Variants in UGT1A6 observed in about 807,000 individuals in gnomAD.
UGT1A6 encodes UDP glucuronosyltransferase family 1 member A6.
A neutral mutation model predicts 44.4 loss-of-function variants in UGT1A6; 32 were observed. That is an observed-to-expected ratio of 0.72 (90% confidence interval 0.54 to 0.97). The LOEUF is 0.97. Ranked by LOEUF, UGT1A6 falls within the 50% of genes least tolerant of loss-of-function variation. The pLI is 0.00. For missense variants in UGT1A6, 685 were observed against 661.9 expected (o/e 1.03, Z -0.38); for synonymous variants, 238 against 248.5 (o/e 0.96, Z 0.40).
chr2:233,755,826 A>T (rs1696033574), intron 1 of UGT1A6: 1 of 152,260 alleles, frequency 6.6e-6, no homozygotes, highest in Admixed American at 6.5e-5. Context: ...AAAAAGACAT[A>T]TTCATTGGGC....
At chr2:233,718,360 T>C (rs2076649371) in intron 1 of UGT1A6, among the ~76,000 whole-genome samples, 1 of 152,232 alleles carries the variant, frequency 6.6e-6, no homozygotes, top group Non-Finnish European at 1.5e-5. Context: ...TGCTGTGTTA[T>C]TCACATATGA....
chr2:233,719,298 G>T, intron 1 of UGT1A6: 1 of 1,613,992 alleles, frequency 6.2e-7, no homozygotes, highest in Admixed American at 1.7e-5. Flanking sequence ...CTGTGGGGCG[G>T]TGCTGGCTAA....
chr2:233,702,037 CA>C (rs1227411871), intron 1 of UGT1A6, among the ~76,000 whole-genome samples: 3 of 152,160 alleles, frequency 2.0e-5, no homozygotes, highest in South Asian at 2.1e-4. Context: ...AAAAACCCTT[CA>C]AAAAATTAAC....
chr2:233,728,016 G>A (rs912712884), intron 1 of UGT1A6, among the ~76,000 whole-genome samples: 1 of 152,236 alleles, frequency 6.6e-6, no homozygotes, highest in African/African-American at 2.4e-5. Flanking sequence ...GCACATGTGG[G>A]AGTGACTTTC....
chr2:233,771,796 C>A (rs373628815), intron 4 of UGT1A6, among the ~76,000 whole-genome samples: 1 of 151,712 alleles, frequency 6.6e-6, no homozygotes, highest in Non-Finnish European at 1.5e-5. Flanking sequence ...CCCTCCCTCC[C>A]TCCCTCCCTT....
chr2:233,757,065 T>C (rs1273460805), intron 1 of UGT1A6, among the ~76,000 whole-genome samples: 1 of 151,244 alleles, frequency 6.6e-6, no homozygotes, highest in Non-Finnish European at 1.5e-5. Flanking sequence ...CAGCAAGGGA[T>C]CCAGAATGGC....
intron 1 of UGT1A6, chr2:233,718,078 G>T (rs1030624873): frequency 1.2e-5 from 4 of 342,356 alleles, no homozygotes; most frequent in African/African-American, 4.3e-5. Flanking sequence ...TGCTAGGGTT[G>T]TCTTGCCCAT....
At chr2:233,734,546 C>A (rs975748353) in intron 1 of UGT1A6, among the ~76,000 whole-genome samples, 4 of 151,914 alleles carry the variant, frequency 2.6e-5, no homozygotes, top group Non-Finnish European at 5.9e-5. Context: ...TATTTCTTCC[C>A]TTCTGCTAGC....
In UGT1A6 at chr2:233,766,921, C is replaced by T. The variant is rs6708136; in HGVS notation, c.862-113C>T. 45,255 of 1,558,610 alleles carry T rather than the reference C, an allele frequency of 0.029. 712 individuals are homozygous for T. The highest frequency in any genetic ancestry group is 0.049 in the African/African-American group (3,601 of 72,856). Reference sequence around the variant, plus strand: ...ATAATTTTTTACTCTATCTCAAACACGCATGCCTTTAATCATAGTCTTAAG... The same window carrying T: ...ATAATTTTTTACTCTATCTCAAACATGCATGCCTTTAATCATAGTCTTAAG... On this transcript the variant is annotated intron_variant, in intron 1 of 4. Coordinates refer to ENST00000305139, the MANE Select transcript of UGT1A6 (RefSeq NM_001072.4).
chr2:233,760,567 A>G (rs1697488656), intron 1 of UGT1A6: 5 of 1,614,130 alleles, frequency 3.1e-6, no homozygotes, highest in African/African-American at 2.7e-5. Context: ...GTCTTTTGTT[A>G]GTCTCGGGCA....
rs571818278 is a variant in UGT1A6, at chr2:233,740,159, T to C, written c.862-26875T>C. Among the ~76,000 whole-genome samples, 52 of 151,986 alleles carry C rather than the reference T, an allele frequency of 3.4e-4. 1 individual carries two copies. Among genetic ancestry groups the C allele is most frequent in the African/African-American group, 1.2e-3 (48 of 41,236 alleles). On this transcript the variant is annotated intron_variant, in intron 1 of 4. Coordinates refer to ENST00000305139, the MANE Select transcript of UGT1A6 (RefSeq NM_001072.4). ...TGTAAGTTTCCTGAGGCCTCCCCAG[T>C]CATGTGGAACTGTGAGTCAATTAAA...
chr2:233,761,781 G>A (rs527861889), intron 1 of UGT1A6, among the ~76,000 whole-genome samples: 8 of 152,266 alleles, frequency 5.3e-5, no homozygotes, highest in South Asian at 2.1e-4. Flanking sequence ...CATCCTCATC[G>A]AAATCTCAGC....
chr2:233,702,001 G>A (rs553035619), intron 1 of UGT1A6, among the ~76,000 whole-genome samples: 30 of 152,034 alleles, frequency 2.0e-4, no homozygotes, highest in African/African-American at 7.0e-4. Context: ...GATCAGAGCA[G>A]AACTGAAGGA....
intron 1 of UGT1A6, among the ~76,000 whole-genome samples, chr2:233,714,816 G>C: frequency 6.6e-6 from 1 of 152,208 alleles, no homozygotes; most frequent in Non-Finnish European, 1.5e-5. Context: ...TATGTAGTTA[G>C]TGACAACAAT....
chr2:233,702,350 T>A (rs764503296), intron 1 of UGT1A6, among the ~76,000 whole-genome samples: 41 of 151,378 alleles, frequency 2.7e-4, no homozygotes, highest in Non-Finnish European at 4.3e-4. Flanking sequence ...GTTCTAATAG[T>A]TTTTTTTTAG....
intron 1 of UGT1A6, among the ~76,000 whole-genome samples, chr2:233,737,176 C>T (rs550268517): frequency 9.8e-5 from 15 of 152,314 alleles, no homozygotes; most frequent in African/African-American, 2.9e-4. Context: ...GAGTCTATAG[C>T]GGCAGTAGCC....
chr2:233,727,230 G>A (rs1426737314), intron 1 of UGT1A6, among the ~76,000 whole-genome samples: 1 of 152,174 alleles, frequency 6.6e-6, no homozygotes, highest in Non-Finnish European at 1.5e-5. Context: ...ATATGCGGAT[G>A]GCTCCAAGTC....
chr2:233,740,013 C>A (rs28899769), intron 1 of UGT1A6, among the ~76,000 whole-genome samples: 1 of 151,838 alleles, frequency 6.6e-6, no homozygotes, highest in African/African-American at 2.4e-5. Context: ...AGTGAGTTCT[C>A]ATGAGAGCTG....
In UGT1A6 at chr2:233,769,728, GCCTGT is replaced by G. The variant is rs1290172672; in HGVS notation, c.1301+1290_1301+1294del. The G allele has an allele frequency of 6.8e-7, 1 of 1,472,430 alleles. No individual in the cohort carries two copies. Among genetic ancestry groups the G allele is most frequent in the African/African-American group, 1.4e-5 (1 of 71,662 alleles). 91.2% of individuals were successfully genotyped at this position (1,472,430 alleles called of 1,614,324 possible). A position where few individuals can be genotyped will look rare whatever the true frequency, so the allele number is the denominator to read the frequency against. On this transcript the variant is annotated intron_variant, in intron 4 of 4. Coordinates refer to ENST00000305139, the MANE Select transcript of UGT1A6 (RefSeq NM_001072.4). This position sits in a 1 kb window ranked among gnomAD's most constrained non-coding sequence, Gnocchi z 4.4. ...ATGTTGGCTAGGCACCATGGCACAC[GCCTGT>G]AGTCCCAGCCACTCTGGAGGCTAAG...
Sources: gnomAD v4.1 joint callset for allele counts (sites outside exome capture counted in the v4.1 genomes callset) on GRCh38, gnomAD v4.1.1 for gene constraint, Gnocchi (gnomAD v3.1) non-coding constraint, MANE v1.5 for transcripts, NCBI Gene and HGNC (gene_info 2026-07-23, HGNC 2026-07-21) for gene names.